EIF3I: variants seen among roughly 807,000 people sequenced by gnomAD.
The protein encoded by EIF3I is eukaryotic translation initiation factor 3 subunit I, also known as TGF-beta receptor-interacting protein 1.
In EIF3I, 20 loss-of-function variants were observed where a neutral mutation model predicts 43.3. The observed-to-expected ratio is 0.46, with a 90% confidence interval of 0.32 to 0.67. The LOEUF (loss-of-function observed/expected upper bound fraction) is 0.67, where lower values mean the gene tolerates loss of function less well. Among genes scored for constraint, EIF3I ranks in the 30% least tolerant of loss-of-function variants. The probability of loss-of-function intolerance (pLI) is 0.03; values close to 1 mark genes in which losing one functional copy is unlikely to be tolerated. For synonymous variants in EIF3I, 167 were observed against 151.7 expected (o/e 1.10, Z -0.74); for missense variants, 279 against 421.4 (o/e 0.66, Z 2.96).
At chr1:32,231,415 C>T (rs1234485214), downstream of EIF3I, 6 of 462,096 alleles carry the variant, frequency 1.3e-5, no homozygotes, top group Non-Finnish European at 2.4e-5. Flanking sequence ...CACTTGAACC[C>T]AGGAGGCAGA....
intron 1 of EIF3I, 26 bp from the exon 2 acceptor site, chr1:32,222,512 C>A (rs751664926): frequency 1.2e-6 from 2 of 1,613,762 alleles, no homozygotes; most frequent in Admixed American, 1.7e-5. Flanking sequence ...ATTCCGAGCA[C>A]TGACGTTACT....
chr1:32,229,928 C>A (rs1639209639), intron 9 of EIF3I, among the ~76,000 whole-genome samples: 1 of 152,136 alleles, frequency 6.6e-6, no homozygotes, highest in Non-Finnish European at 1.5e-5. Context: ...TAAAATTATG[C>A]AGATTAAATT....
In EIF3I at chr1:32,224,381, C is replaced by T. The variant is rs529059386; in HGVS notation, c.185-29C>T. The T allele has an allele frequency of 3.1e-6, 5 of 1,602,660 alleles. No individual in the cohort carries two copies. The South Asian group carries it at 5.5e-5, about 18-fold the overall frequency. ...CCAAGAGGACAAGGGCTCGGGTGAA[C>T]TTCGTCATATTTCTTAACAACTCTT... On this transcript the variant is annotated intron_variant, in intron 3 of 11. Transcript: ENST00000676679.
chr1:32,222,836 C>T (rs1569852162), intron 2 of EIF3I, among the ~76,000 whole-genome samples: 2 of 152,196 alleles, frequency 1.3e-5, no homozygotes, highest in African/African-American at 4.8e-5. Flanking sequence ...GTGGCTCACG[C>T]CTGTAATCCC....
intron 4 of EIF3I, among the ~76,000 whole-genome samples, chr1:32,225,883 T>A (rs1257596659): frequency 1.3e-5 from 2 of 151,546 alleles, no homozygotes. Flanking sequence ...TAGCGGGGCA[T>A]GGTGGCAGGC....
At chr1:32,223,356 TC>T (rs1639068801) in intron 2 of EIF3I, among the ~76,000 whole-genome samples, 1 of 152,214 alleles carries the variant, frequency 6.6e-6, no homozygotes, top group Admixed American at 6.5e-5. Context: ...CGATCTCGAC[TC>T]ACTGCAACCT....
At chr1:32,232,893 C>T (rs959695128), downstream of EIF3I, among the ~76,000 whole-genome samples, 4 of 152,130 alleles carry the variant, frequency 2.6e-5, no homozygotes, top group Admixed American at 2.0e-4. Context: ...CCTCCCTCCC[C>T]GCATCTCTCA....
downstream of EIF3I, among the ~76,000 whole-genome samples, chr1:32,232,672 C>G (rs951341600): frequency 2.0e-4 from 31 of 152,184 alleles, no homozygotes; most frequent in African/African-American, 7.5e-4. Context: ...TGGAAGAGAC[C>G]AGTGTGGATG....
chr1:32,232,018 C>T (rs1639244840), downstream of EIF3I: 1 of 152,950 alleles, frequency 6.5e-6, no homozygotes, highest in Non-Finnish European at 1.5e-5. Flanking sequence ...GGGTAATACC[C>T]AGGGGAGAAG....
At chr1:32,222,725 G>A in intron 2 of EIF3I, 95 bp downstream of exon 2, 1 of 1,272,424 alleles carries the variant, frequency 7.9e-7, no homozygotes, top group Non-Finnish European at 1.1e-6. Flanking sequence ...GGGAACCAAA[G>A]AGCAGCCCAT....
chr1:32,223,915 G>T, intron 2 of EIF3I, 119 bp from the exon 3 acceptor site: 1 of 852,922 alleles, frequency 1.2e-6, no homozygotes, highest in South Asian at 1.5e-5. Flanking sequence ...TGTTTCCCAA[G>T]AAATAAACAG....
intron 10 of EIF3I, among the ~76,000 whole-genome samples, chr1:32,230,688 T>C (rs1263891190): frequency 2.0e-5 from 3 of 151,974 alleles, no homozygotes; most frequent in African/African-American, 7.2e-5. Flanking sequence ...ATACAAAAAT[T>C]AGCCAGGCAT....
intron 6 of EIF3I, 140 bp from the exon 7 acceptor site, chr1:32,228,359 G>A (rs1639180391): frequency 1.5e-6 from 1 of 666,918 alleles, no homozygotes; most frequent in Admixed American, 2.2e-5. Flanking sequence ...GGGATATTTA[G>A]GGGTGACTGA....
chr1:32,233,503 C>G (rs1639265034), downstream of EIF3I, among the ~76,000 whole-genome samples: 1 of 151,928 alleles, frequency 6.6e-6, no homozygotes, highest in Non-Finnish European at 1.5e-5. Context: ...GTTGGCCAGG[C>G]TGGTCTCAAA....
chr1:32,234,338 T>TGG (rs1010005606), downstream of EIF3I: 2 of 149,790 alleles, frequency 1.3e-5, no homozygotes, highest in African/African-American at 4.9e-5. Context: ...AAGGCACTGA[T>TGG]GGCACAGGTA....
At position 32,224,598 on chromosome 1, in the gene EIF3I, A is replaced by G. The variant is rs1311035035; in HGVS notation, c.250+123A>G. Reference sequence around the variant, plus strand: ...GATAGTTTCCAGTCTAGGGAATAAGAGACAAGAAAGATAGATGAGAAAATA... The same window carrying G: ...GATAGTTTCCAGTCTAGGGAATAAGGGACAAGAAAGATAGATGAGAAAATA... On this transcript the variant is annotated intron_variant, in intron 4 of 11. Transcript: ENST00000676679. 6.1e-6 allele frequency: 4 copies of G among 659,606 alleles called. No homozygotes were observed. In the Admixed American group the frequency reaches 1.1e-4, roughly 18 times the overall value. 40.9% of individuals were successfully genotyped at this position (659,606 alleles called of 1,614,324 possible).
chr1:32,232,016 C>T (rs185827450), downstream of EIF3I: 321 of 153,062 alleles, frequency 2.1e-3, 1 homozygote, highest in Non-Finnish European at 3.8e-3. Flanking sequence ...AGGGGTAATA[C>T]CCAGGGGAGA....
At position 32,222,455 on chromosome 1, in the gene EIF3I, G is replaced by C. The variant is rs1383290751; in HGVS notation, c.3+11G>C. ...GTCACAGCCGGGATGGTGAGTTTCA[G>C]AGTTAGGGGTATTGCAGTGGGGGTC... is the stretch of plus-strand genomic sequence containing the variant. On this transcript the variant is annotated intron_variant, in intron 1 of 11. Coordinates refer to ENST00000676679, the Ensembl canonical transcript of EIF3I. The C allele has an allele frequency of 4.4e-6, 7 of 1,606,892 alleles. No homozygotes were observed. Among genetic ancestry groups the C allele is most frequent in the Non-Finnish European group, 5.1e-6 (6 of 1,174,638 alleles).
chr1:32,229,347 G>A (rs1639196996), intron 9 of EIF3I, 139 bp downstream of exon 9: 2 of 844,044 alleles, frequency 2.4e-6, no homozygotes, highest in Admixed American at 6.2e-5. Flanking sequence ...TGCAAGCTCT[G>A]CCTCCCGGGT....
Sources: allele counts gnomAD v4.1 joint callset (sites outside exome capture counted in the v4.1 genomes callset), GRCh38; gene constraint gnomAD v4.1.1; transcripts MANE v1.5; gene names NCBI Gene and HGNC (gene_info 2026-07-23, HGNC 2026-07-21).